The following MOCOS variants were observed in gnomAD, a reference collection of about 807,000 sequenced individuals.
MOCOS encodes molybdenum cofactor sulfurase, also known as human molybdenum cofactor sulfurase.
Under a neutral mutation model 83.6 loss-of-function variants are expected in MOCOS, and 86 were observed. The ratio of observed to expected loss-of-function variants is 1.03; its 90% confidence interval spans 0.86 to 1.23. MOCOS has a LOEUF of 1.23. Among genes scored for constraint, MOCOS ranks in the 50% most tolerant of loss-of-function variants. MOCOS has a pLI of 0.00. For synonymous variants in MOCOS, 445 were observed against 434.7 expected, an observed-to-expected ratio of 1.02 and a Z score of -0.29; for missense variants, 1,120 against 1,126.9, an observed-to-expected ratio of 0.99 and a Z score of 0.09.
chr18:36,243,380 T>C (rs566473291), intron 9 of MOCOS, among the ~76,000 whole-genome samples: 1 of 152,330 alleles, frequency 6.6e-6, no homozygotes, highest in East Asian at 1.9e-4. Context: ...CACATGATTT[T>C]TGTTTTTACT....
chr18:36,258,421 T>C (rs1271894436), intron 12 of MOCOS, among the ~76,000 whole-genome samples: 1 of 152,150 alleles, frequency 6.6e-6, no homozygotes, highest in Non-Finnish European at 1.5e-5. Context: ...TGATCCAGAA[T>C]CAAAGGATTT....
At chr18:36,237,254 A>G (rs1309811460) in intron 9 of MOCOS, among the ~76,000 whole-genome samples, 2 of 148,756 alleles carry the variant, frequency 1.3e-5, no homozygotes, top group Admixed American at 1.4e-4. Context: ...ATTCAGTATG[A>G]TATTGGCTGT....
In MOCOS at chr18:36,211,848, G is replaced by T. The variant is rs571792284; in HGVS notation, c.1219-1518G>T. Among the ~76,000 whole-genome samples, 67 of 151,500 alleles carry T rather than the reference G, an allele frequency of 4.4e-4. No individual in the cohort carries two copies. In the South Asian group the frequency reaches 0.013, roughly 30 times the overall value. On this transcript the variant is annotated intron_variant, in intron 6 of 14. Transcript: ENST00000261326. ...TGGGCTGATCTGTGACTCGCTCATA[G>T]CTAACAGAGTGCCGGGAGGATGACA...
chr18:36,227,175 G>T (rs1373731040), intron 9 of MOCOS, among the ~76,000 whole-genome samples: 1 of 151,774 alleles, frequency 6.6e-6, no homozygotes, highest in Non-Finnish European at 1.5e-5. Flanking sequence ...GCCTCCCAAA[G>T]TGTTGGAATT....
At chr18:36,247,070 G>A (rs193023470) in intron 9 of MOCOS, among the ~76,000 whole-genome samples, 92 of 152,246 alleles carry the variant, frequency 6.0e-4, no homozygotes, top group African/African-American at 2.2e-3. Context: ...TTGGGCAAAT[G>A]GAGTTATGTT....
chr18:36,223,162 G>T (rs1395069345), intron 9 of MOCOS, among the ~76,000 whole-genome samples: 1 of 152,064 alleles, frequency 6.6e-6, no homozygotes, highest in African/African-American at 2.4e-5. Context: ...CAAAGTTATT[G>T]CCAAGACCAA....
At position 36,197,166 on chromosome 18, in the gene MOCOS, G is replaced by A. The variant is rs150274472; in HGVS notation, c.233-1524G>A. Among the ~76,000 whole-genome samples the A allele has an allele frequency of 7.2e-3, 1,096 of 152,250 alleles. 6 individuals carry two copies. The highest frequency in any genetic ancestry group is 0.012 in the Non-Finnish European group (793 of 68,020). The stretch of plus-strand genomic sequence containing the variant: ...CACAGTGGCCCCCTTCACATATTTG[G>A]AGGCCGGGATCAATTATTTCTGCAG... On this transcript the variant is annotated intron_variant, in intron 2 of 14. Transcript: ENST00000261326.
intron 9 of MOCOS, among the ~76,000 whole-genome samples, chr18:36,244,624 A>T (rs950135670): frequency 3.3e-5 from 5 of 152,126 alleles, no homozygotes; most frequent in Non-Finnish European, 4.4e-5. Context: ...TTTCATAAAT[A>T]TCTGTTAAGT....
At chr18:36,195,430 C>G (rs752722778) in intron 2 of MOCOS, 84 bp downstream of exon 2, 45 of 1,249,888 alleles carry the variant, frequency 3.6e-5, no homozygotes, top group Non-Finnish European at 5.1e-5. Context: ...ATTAATAGGC[C>G]AGGAATATTC....
intron 14 of MOCOS, among the ~76,000 whole-genome samples, chr18:36,267,275 G>A (rs1308680997): frequency 6.6e-6 from 1 of 152,142 alleles, no homozygotes; most frequent in Non-Finnish European, 1.5e-5. Context: ...TTTCTTGAGG[G>A]TTAAAACAAC....
At chr18:36,263,725 G>A (rs531685626) in intron 13 of MOCOS, among the ~76,000 whole-genome samples, 2 of 152,288 alleles carry the variant, frequency 1.3e-5, no homozygotes, top group East Asian at 3.9e-4. Flanking sequence ...CACTGCTGTT[G>A]AGTGCTTTCT....
intron 7 of MOCOS, among the ~76,000 whole-genome samples, chr18:36,213,963 C>T (rs1228636300): frequency 4.6e-5 from 7 of 150,656 alleles, no homozygotes; most frequent in East Asian, 3.9e-4. Context: ...AAGAAGAAGC[C>T]GGGCACGGTG....
intron 6 of MOCOS, among the ~76,000 whole-genome samples, chr18:36,208,745 T>C (rs190013688): frequency 3.4e-4 from 52 of 152,316 alleles, no homozygotes; most frequent in Non-Finnish European, 6.6e-4. Context: ...TGAAGAGAGA[T>C]AGGTTGACTT....
Position 36,195,164 on chromosome 18 carries a change from A to G in MOCOS, c.143-93A>G. The G allele has an allele frequency of 2.9e-6, 3 of 1,032,676 alleles. No individual in the cohort carries two copies. In the Middle Eastern group the frequency reaches 6.1e-4, roughly 210 times the overall value. 64.0% of individuals were successfully genotyped at this position (1,032,676 alleles called of 1,614,324 possible). A position where few individuals can be genotyped will look rare whatever the true frequency, so the allele number is the denominator to read the frequency against. ...TCAAGAGGCACAAGTCAGTGGCCTG[A>G]TGTTACGTCTGCATGCATTAGATGA... is the stretch of plus-strand genomic sequence containing the variant. On this transcript the variant is annotated intron_variant, in intron 1 of 14. Transcript: ENST00000261326.
intron 9 of MOCOS, among the ~76,000 whole-genome samples, chr18:36,221,222 T>G (rs1445937092): frequency 1.3e-5 from 2 of 152,228 alleles, no homozygotes; most frequent in Non-Finnish European, 1.5e-5. Flanking sequence ...GAACTGAATT[T>G]TAAATTTTAC....
chr18:36,230,793 G>T (rs1045646147), intron 9 of MOCOS, among the ~76,000 whole-genome samples: 1 of 152,166 alleles, frequency 6.6e-6, no homozygotes, highest in African/African-American at 2.4e-5. Context: ...CTGTGGAGAC[G>T]GTGCTGGAAA....
chr18:36,260,270 C>T (rs2091659034), intron 13 of MOCOS, 95 bp downstream of exon 13: 1 of 1,513,332 alleles, frequency 6.6e-7, no homozygotes, highest in Non-Finnish European at 9.2e-7. Flanking sequence ...GGGACTCCCT[C>T]CCAGTCCTTG....
intron 12 of MOCOS, among the ~76,000 whole-genome samples, chr18:36,257,684 G>T (rs1365990324): frequency 6.6e-6 from 1 of 152,082 alleles, no homozygotes; most frequent in Non-Finnish European, 1.5e-5. Flanking sequence ...TCCCAAGGTA[G>T]CCAGGCAATG....
intron 14 of MOCOS, among the ~76,000 whole-genome samples, chr18:36,268,327 C>T (rs1476297250): frequency 6.6e-6 from 1 of 152,092 alleles, no homozygotes; most frequent in Non-Finnish European, 1.5e-5. Flanking sequence ...GAAAGGATGC[C>T]TTAGAATGAG....
Sources: allele counts gnomAD v4.1 joint callset (sites outside exome capture counted in the v4.1 genomes callset), GRCh38; gene constraint gnomAD v4.1.1; transcripts MANE v1.5; gene names NCBI Gene and HGNC (gene_info 2026-07-23, HGNC 2026-07-21).